The following PHIP variants were observed in gnomAD, a reference collection of about 807,000 sequenced individuals.
PHIP encodes the protein PHIP subunit of CUL4-Ring ligase complex.
Under a neutral mutation model 236.8 loss-of-function variants are expected in PHIP, and 54 were observed. The ratio of observed to expected loss-of-function variants is 0.23; its 90% CI spans 0.18 to 0.29. The LOEUF is 0.29. Among genes scored for constraint, PHIP ranks in the 10% least tolerant of loss-of-function variants. PHIP has a pLI of 1.00. For synonymous variants in PHIP, 756 were observed against 718.9 expected, an observed-to-expected ratio of 1.05 and a Z score of -0.83; for missense variants, 1,370 against 2,190.8, an observed-to-expected ratio of 0.63 and a Z score of 7.48.
intron 4 of PHIP, among the ~76,000 whole-genome samples, chr6:79,063,293 G>GA (rs1267675448): frequency 1.3e-5 from 2 of 152,166 alleles, no homozygotes; most frequent in Non-Finnish European, 2.9e-5. Context: ...AGAATATGCA[G>GA]AAACGACTGA....
At chr6:78,942,254 G>T (rs1449002086) in intron 39 of PHIP, among the ~76,000 whole-genome samples, 1 of 152,184 alleles carries the variant, frequency 6.6e-6, no homozygotes, top group African/African-American at 2.4e-5. Context: ...AGGCCAAAGT[G>T]GGCGGATCAC....
intron 6 of PHIP, among the ~76,000 whole-genome samples, chr6:79,053,105 C>A (rs1273167573): frequency 2.0e-5 from 3 of 151,968 alleles, no homozygotes; most frequent in Admixed American, 2.0e-4. Flanking sequence ...CTTGAGGTCA[C>A]GAGTTCGAGA....
At chr6:78,949,906 C>G (rs1774049823) in intron 35 of PHIP, among the ~76,000 whole-genome samples, 1 of 152,090 alleles carries the variant, frequency 6.6e-6, no homozygotes, top group Non-Finnish European at 1.5e-5. Flanking sequence ...TCAGACTGGT[C>G]TCAAACTCCT....
intron 13 of PHIP, among the ~76,000 whole-genome samples, chr6:79,016,277 G>A (rs1390896856): frequency 1.3e-5 from 2 of 151,688 alleles, no homozygotes; most frequent in African/African-American, 2.4e-5. Context: ...ATATGTTCTG[G>A]TTTCTGAAAA....
chr6:78,993,145 C>A (rs939955204), intron 19 of PHIP, among the ~76,000 whole-genome samples: 1 of 152,324 alleles, frequency 6.6e-6, no homozygotes, highest in East Asian at 1.9e-4. Context: ...CAGAGCAAGG[C>A]TCTAACTCTA....
At chr6:79,071,159 G>A (rs949651122) in intron 4 of PHIP, among the ~76,000 whole-genome samples, 14 of 152,176 alleles carry the variant, frequency 9.2e-5, no homozygotes, top group African/African-American at 3.1e-4. Context: ...GCTCAAATAC[G>A]GCTGTTTTTG....
chr6:78,948,822 C>G (rs573413381), intron 35 of PHIP, among the ~76,000 whole-genome samples: 1 of 152,062 alleles, frequency 6.6e-6, no homozygotes, highest in African/African-American at 2.4e-5. Flanking sequence ...CCTCAGTATG[C>G]GACTATATTT....
rs568681924 is a variant in PHIP at position 78,937,586 on chromosome 6, T to A, written c.*3107A>T. Reference sequence around the variant, plus strand: ...CCAGCTCACAAATATTCCACATACTTATTTACTTGGATTGGAGGAAGACAG... The same window carrying A: ...CCAGCTCACAAATATTCCACATACTAATTTACTTGGATTGGAGGAAGACAG... On this transcript the variant is annotated 3_prime_UTR_variant, in exon 40 of 40. Coordinates refer to ENST00000275034, the MANE Select transcript of PHIP (RefSeq NM_017934.7). 1.3e-5 allele frequency: 2 copies of A among 151,848 alleles called. No individual in the cohort carries two copies. The highest frequency in any genetic ancestry group is 3.9e-4 in the East Asian group (2 of 5,184). 9.4% of individuals were successfully genotyped at this position (151,848 alleles called of 1,614,324 possible).
At chr6:78,987,285 C>T (rs1424644810) in intron 21 of PHIP, among the ~76,000 whole-genome samples, 1 of 151,898 alleles carries the variant, frequency 6.6e-6, no homozygotes, top group Non-Finnish European at 1.5e-5. Flanking sequence ...AAATAATTAG[C>T]CCACATGTAT....
intron 4 of PHIP, chr6:79,068,018 AT>A (rs1773710085): frequency 2.5e-5 from 4 of 158,902 alleles, no homozygotes; most frequent in African/African-American, 4.8e-5. Context: ...CAGCCAAAAA[AT>A]TTTGCCATTA....
chr6:79,000,155 G>A (rs1397309591), intron 17 of PHIP, among the ~76,000 whole-genome samples: 1 of 151,742 alleles, frequency 6.6e-6, no homozygotes, highest in Non-Finnish European at 1.5e-5. Context: ...CTTTTGTTCT[G>A]TTTTTGTATT....
chr6:78,998,222 A>C (rs1769753833), intron 18 of PHIP, 32 bp downstream of exon 18: 4 of 1,576,252 alleles, frequency 2.5e-6, no homozygotes, highest in Non-Finnish European at 2.6e-6. Context: ...CAAATTTTTA[A>C]ATATTTCACT....
At chr6:79,003,682 A>T in intron 16 of PHIP, 48 bp downstream of exon 16, 1 of 1,365,210 alleles carries the variant, frequency 7.3e-7, no homozygotes, top group Non-Finnish European at 9.9e-7. Flanking sequence ...ACCCCTAAAC[A>T]TGCATTAAAA....
At chr6:79,033,430 C>T (rs1582257453) in intron 7 of PHIP, among the ~76,000 whole-genome samples, 1 of 152,190 alleles carries the variant, frequency 6.6e-6, no homozygotes, top group South Asian at 2.1e-4. Context: ...ATGATCTTAG[C>T]TAGGTCTTTT....
chr6:78,946,509 G>A (rs1458867265), intron 37 of PHIP: 2 of 1,388,078 alleles, frequency 1.4e-6, no homozygotes. Flanking sequence ...TTACTGTATA[G>A]ATTTAGCAGT....
At chr6:79,005,860 T>C (rs1480416621) in intron 15 of PHIP, among the ~76,000 whole-genome samples, 1 of 152,016 alleles carries the variant, frequency 6.6e-6, no homozygotes, top group East Asian at 1.9e-4. Flanking sequence ...CCCTTGACCC[T>C]ATTATTTATC....
At chr6:79,033,361 A>G (rs1771766488) in intron 7 of PHIP, among the ~76,000 whole-genome samples, 1 of 152,212 alleles carries the variant, frequency 6.6e-6, no homozygotes, top group African/African-American at 2.4e-5. Flanking sequence ...TATTTTTCCA[A>G]TACACAGCTG....
At chr6:78,962,749 A>G (rs1471872242) in intron 30 of PHIP, among the ~76,000 whole-genome samples, 1 of 152,146 alleles carries the variant, frequency 6.6e-6, no homozygotes, top group Non-Finnish European at 1.5e-5. Flanking sequence ...AGCTACCCAT[A>G]TAATTATAAC....
intron 15 of PHIP, among the ~76,000 whole-genome samples, chr6:79,006,995 G>A (rs1412422226): frequency 6.6e-6 from 1 of 151,930 alleles, no homozygotes; most frequent in Non-Finnish European, 1.5e-5. Flanking sequence ...TTTTTAAAAG[G>A]AGGAGATGGG....
Sources: gnomAD v4.1 joint callset for allele counts (sites outside exome capture counted in the v4.1 genomes callset) on GRCh38, gnomAD v4.1.1 for gene constraint, MANE v1.5 for transcripts, NCBI Gene and HGNC (gene_info 2026-07-23, HGNC 2026-07-21) for gene names.